The following COL19A1 variants were observed in gnomAD, a reference collection of about 807,000 sequenced individuals.
The protein encoded by COL19A1 is collagen alpha-1(XIX) chain.
A neutral mutation model predicts 190.2 loss-of-function variants in COL19A1; 159 were observed. That is an observed-to-expected ratio of 0.84 (90% CI 0.73 to 0.95). The LOEUF is 0.95. Among genes scored for constraint, COL19A1 ranks in the 40% least tolerant of loss-of-function variants. COL19A1 has a pLI of 0.00. For synonymous variants in COL19A1, 509 were observed against 458.9 expected, an observed-to-expected ratio of 1.11 and a Z score of -1.39; for missense variants, 1,418 against 1,431.9, an observed-to-expected ratio of 0.99 and a Z score of 0.16.
intron 1 of COL19A1, among the ~76,000 whole-genome samples, chr6:69,870,489 T>C (rs1361183886): frequency 6.6e-6 from 1 of 152,200 alleles, no homozygotes; most frequent in East Asian, 1.9e-4. Flanking sequence ...TCGGAGAGGA[T>C]TGGAAGGACT....
chr6:69,958,240 C>CA (rs1186760648), intron 9 of COL19A1, among the ~76,000 whole-genome samples: 2 of 151,928 alleles, frequency 1.3e-5, no homozygotes, highest in Non-Finnish European at 2.9e-5. Context: ...CCTTTTTTCC[C>CA]AAAAAAGTAT....
At chr6:69,970,760 T>C (rs978560567) in intron 11 of COL19A1, among the ~76,000 whole-genome samples, 2 of 152,236 alleles carry the variant, frequency 1.3e-5, no homozygotes, top group Non-Finnish European at 2.9e-5. Flanking sequence ...CCTAGTAACA[T>C]GTAAACTAAA....
At chr6:70,076,968 A>G (rs1781920578) in intron 15 of COL19A1, among the ~76,000 whole-genome samples, 1 of 152,228 alleles carries the variant, frequency 6.6e-6, no homozygotes, top group South Asian at 2.1e-4. Flanking sequence ...TGGAGCGAAT[A>G]TATGTGTGGA....
Position 69,954,767 on chromosome 6 carries a change from T to C in COL19A1, c.937-5229T>C, listed in dbSNP as rs527876238. On this transcript the variant is annotated intron_variant, in intron 9 of 50. Coordinates refer to ENST00000620364, the MANE Select transcript of COL19A1 (RefSeq NM_001858.6). ...TAACTTTCTTACAACATTGTTAGGG[T>C]GTGTTCCTTCTCCATATCTTCATAA... 2.6e-3 allele frequency among the ~76,000 whole-genome samples: 390 copies of C among 152,162 alleles called. 3 individuals carry two copies. Among genetic ancestry groups the C allele is most frequent in the Non-Finnish European group, 3.7e-3 (249 of 67,960 alleles).
At position 70,034,259 on chromosome 6, in the gene COL19A1, C is replaced by A; in HGVS notation, c.1095C>A (p.Asp365Glu). Residue 365 changes from aspartate to glutamate, a missense_variant, in exon 13 of 51, where the codon GAC (aspartate) becomes GAA (glutamate). By Grantham distance (45) the Asp-to-Glu change is conservative. Coordinates refer to ENST00000620364, the MANE Select transcript of COL19A1 (RefSeq NM_001858.6). ...TCTTTCTACAGGGTTTGAAAGGTGA[C>A]TTGGGTCCTCATGGTCCACCTGGCC... ...GLNGENGLKGDLGPHGPPGPK... is the reference protein window; with the variant it reads ...GLNGENGLKGELGPHGPPGPK... The A allele has an allele frequency of 6.2e-7, 1 of 1,612,512 alleles. No homozygotes were observed. Among genetic ancestry groups the A allele is most frequent in the Non-Finnish European group, 8.5e-7 (1 of 1,178,566 alleles).
intron 7 of COL19A1, 112 bp downstream of exon 7, chr6:69,932,975 G>A: frequency 1.7e-6 from 1 of 584,980 alleles, no homozygotes; most frequent in Non-Finnish European, 2.9e-6. Flanking sequence ...GTTGAAGCCA[G>A]GTGGGTAATT....
intron 2 of COL19A1, chr6:69,890,982 C>A (rs1309846394): frequency 7.8e-6 from 2 of 255,852 alleles, no homozygotes; most frequent in East Asian, 9.0e-5. Context: ...GTCGGAGCTC[C>A]TTCAGAGGCC....
At chr6:70,071,194 C>T (rs1188989307) in intron 15 of COL19A1, among the ~76,000 whole-genome samples, 1 of 152,120 alleles carries the variant, frequency 6.6e-6, no homozygotes, top group East Asian at 1.9e-4. Flanking sequence ...AAATATCAAA[C>T]ATTATAGAAA....
chr6:69,900,849 A>C (rs1318448147), intron 4 of COL19A1, among the ~76,000 whole-genome samples: 1 of 152,126 alleles, frequency 6.6e-6, no homozygotes, highest in Non-Finnish European at 1.5e-5. Flanking sequence ...TACTCATTTA[A>C]TTTTAAAATA....
At chr6:70,174,822 A>G (rs890285124) in intron 41 of COL19A1, among the ~76,000 whole-genome samples, 3 of 152,194 alleles carry the variant, frequency 2.0e-5, no homozygotes, top group Non-Finnish European at 4.4e-5. Context: ...ACAAATTTGT[A>G]CCATCAATGG....
chr6:70,051,341 A>G (rs1028258064), intron 14 of COL19A1, among the ~76,000 whole-genome samples: 1 of 152,148 alleles, frequency 6.6e-6, no homozygotes, highest in African/African-American at 2.4e-5. Flanking sequence ...AGCCTGCCAC[A>G]GTTTCATCAA....
At chr6:70,045,028 T>C (rs1288488954) in intron 14 of COL19A1, among the ~76,000 whole-genome samples, 1 of 152,130 alleles carries the variant, frequency 6.6e-6, no homozygotes, top group Non-Finnish European at 1.5e-5. Context: ...TACTTTAAAA[T>C]CTTTCCAGGC....
At chr6:69,958,267 C>T (rs930744632) in intron 9 of COL19A1, among the ~76,000 whole-genome samples, 40 of 152,024 alleles carry the variant, frequency 2.6e-4, no homozygotes, top group African/African-American at 8.7e-4. Context: ...CAGTGTATAC[C>T]GTATTGGCGT....
rs1300946550 is a variant in COL19A1 at position 70,156,221 on chromosome 6, T to C, written c.2174T>C (p.Met725Thr). The C allele has an allele frequency of 2.5e-6, 4 of 1,613,294 alleles. No homozygotes were observed. Among genetic ancestry groups the C allele is most frequent in the African/African-American group, 1.3e-5 (1 of 74,974 alleles). ...GAGEPGKYDS[M>T]ARKGDIGPRG... ...GGTGAGCCTGGAAAGTATGATTCCA[T>C]GGCCCGGAAGGTGAGAAGCCTGGCT... Residue 725 changes from methionine to threonine, a missense_variant, in exon 32 of 51, where the codon ATG becomes ACG. Physicochemically the swap from Met to Thr is moderately conservative, Grantham distance 81. Coordinates refer to ENST00000620364, the MANE Select transcript of COL19A1 (RefSeq NM_001858.6).
chr6:69,970,254 T>A (rs1268555390), intron 11 of COL19A1, among the ~76,000 whole-genome samples: 1 of 152,212 alleles, frequency 6.6e-6, no homozygotes, highest in East Asian at 1.9e-4. Context: ...CCTTCTCCCA[T>A]GGCCTAAAAT....
chr6:69,913,242 A>G (rs1016499982), intron 4 of COL19A1, among the ~76,000 whole-genome samples: 1 of 152,170 alleles, frequency 6.6e-6, no homozygotes, highest in African/African-American at 2.4e-5. Context: ...TTATATTGTC[A>G]TTATTATTTC....
chr6:70,174,216 G>T (rs2150277189), intron 41 of COL19A1, among the ~76,000 whole-genome samples: 1 of 152,328 alleles, frequency 6.6e-6, no homozygotes, highest in Admixed American at 6.5e-5. Flanking sequence ...TGACTGCTCA[G>T]CCCTAGGGAC....
Position 70,174,644 on chromosome 6 carries a change from G to C in COL19A1, c.2623-1876G>C, listed in dbSNP as rs147497430. ...CAGGTAAAGACACAGAATAGGAGGG[G>C]AGTTGGATTTCAACAATGTTCTGCT... On this transcript the variant is annotated intron_variant, in intron 41 of 50. Transcript: ENST00000620364. Among the ~76,000 whole-genome samples, 1,046 of 152,272 alleles carry C rather than the reference G, an allele frequency of 6.9e-3. 14 individuals are homozygous for C. Among genetic ancestry groups the C allele is most frequent in the African/African-American group, 0.024 (1,002 of 41,546 alleles).
intron 15 of COL19A1, among the ~76,000 whole-genome samples, chr6:70,095,571 C>G (rs867784603): frequency 2.0e-5 from 3 of 152,300 alleles, no homozygotes; most frequent in South Asian, 2.1e-4. Flanking sequence ...ATCCTTACCA[C>G]TTTTAAGTAT....
Sources: gnomAD v4.1 joint callset for allele counts (sites outside exome capture counted in the v4.1 genomes callset) on GRCh38, gnomAD v4.1.1 for gene constraint, MANE v1.5 for transcripts, NCBI Gene and HGNC (gene_info 2026-07-23, HGNC 2026-07-21) for gene names.